Variants in BCO2 observed in about 807,000 individuals in gnomAD.
BCO2 encodes the protein beta-carotene oxygenase 2, also known as carotenoid-cleaving dioxygenase, mitochondrial.
BCO2 carries 56 observed loss-of-function variants against 65.8 expected under a neutral mutation model. That is an observed-to-expected ratio of 0.85 (90% confidence interval 0.69 to 1.06). The LOEUF is 1.06. Ranked by LOEUF, BCO2 falls within the 50% of genes least tolerant of loss-of-function variation. The pLI, the probability that BCO2 is intolerant of heterozygous loss-of-function variation, is 0.00. For missense variants in BCO2, 675 were observed against 698.5 expected (o/e 0.97, Z 0.38); for synonymous variants, 233 against 242.3 (o/e 0.96, Z 0.36).
intron 8 of BCO2, among the ~76,000 whole-genome samples, chr11:112,207,250 AT>A (rs1859372373): frequency 6.6e-6 from 1 of 152,226 alleles, no homozygotes; most frequent in Admixed American, 6.5e-5. Flanking sequence ...GTGTTGAAAA[AT>A]GTTTAATAAT....
chr11:112,206,027 G>A (rs1867856949), intron 8 of BCO2, among the ~76,000 whole-genome samples: 1 of 151,996 alleles, frequency 6.6e-6, no homozygotes, highest in Non-Finnish European at 1.5e-5. Context: ...TGCAAACTTG[G>A]GGAAGACAGA....
At chr11:112,207,257 A>T (rs1008514924) in intron 8 of BCO2, among the ~76,000 whole-genome samples, 6 of 152,222 alleles carry the variant, frequency 3.9e-5, no homozygotes, top group African/African-American at 1.4e-4. Flanking sequence ...AAAATGTTTA[A>T]TAATTCATTA....
At chr11:112,208,507 C>A (rs559925882) in intron 8 of BCO2, 98 of 156,522 alleles carry the variant, frequency 6.3e-4, no homozygotes, top group Non-Finnish European at 1.1e-3. Context: ...TGTTCCCAAT[C>A]TGAGAGGCAA....
intron 2 of BCO2, among the ~76,000 whole-genome samples, chr11:112,189,487 G>A (rs1174328415): frequency 6.7e-6 from 1 of 148,488 alleles, no homozygotes; most frequent in Admixed American, 6.8e-5. Context: ...CTCACTGCAA[G>A]CTCCACCTCC....
At chr11:112,190,925 T>C (rs1282630626) in intron 2 of BCO2, among the ~76,000 whole-genome samples, 4 of 149,746 alleles carry the variant, frequency 2.7e-5, no homozygotes, top group Non-Finnish European at 1.5e-5. Context: ...CTAAATATGA[T>C]TTTATATGCA....
intron 6 of BCO2, chr11:112,200,315 C>G (rs1867693214): frequency 4.0e-6 from 1 of 249,740 alleles, no homozygotes; most frequent in East Asian, 9.8e-5. Flanking sequence ...CACTTTAATA[C>G]TATACTTTTT....
chr11:112,185,749 T>A (rs1592839036), intron 2 of BCO2, among the ~76,000 whole-genome samples: 1 of 152,214 alleles, frequency 6.6e-6, no homozygotes, highest in African/African-American at 2.4e-5. Flanking sequence ...TATTGTTTTT[T>A]AAAAAAATAT....
intron 10 of BCO2, 37 bp downstream of exon 10, chr11:112,214,981 G>T: frequency 6.3e-7 from 1 of 1,586,898 alleles, no homozygotes; most frequent in South Asian, 1.1e-5. Context: ...ACTTTTCAGA[G>T]ACCTGTTCTT....
chr11:112,181,911 A>C (rs548885066), intron 2 of BCO2: 4 of 704,522 alleles, frequency 5.7e-6, no homozygotes, highest in African/African-American at 5.3e-5. Context: ...CCAGGGAGTC[A>C]AGATGCTCTG....
At chr11:112,178,340 A>G (rs1866940139) in intron 1 of BCO2, among the ~76,000 whole-genome samples, 1 of 152,170 alleles carries the variant, frequency 6.6e-6, no homozygotes, top group African/African-American at 2.4e-5. Context: ...AGGGGAGTAG[A>G]ATGTCTCGTG....
At chr11:112,186,456 C>G (rs1460546498) in intron 2 of BCO2, among the ~76,000 whole-genome samples, 1 of 152,184 alleles carries the variant, frequency 6.6e-6, no homozygotes. Context: ...GATAGACACT[C>G]AGTTTAGTGG....
intron 2 of BCO2, among the ~76,000 whole-genome samples, chr11:112,190,828 C>T (rs1867360471): frequency 6.8e-6 from 1 of 147,100 alleles, no homozygotes; most frequent in Non-Finnish European, 1.5e-5. Flanking sequence ...TGCACTCCAG[C>T]CTGGGGCGAC....
chr11:112,201,577 A>G (rs1048259439), intron 7 of BCO2, among the ~76,000 whole-genome samples: 4 of 152,204 alleles, frequency 2.6e-5, no homozygotes, highest in Non-Finnish European at 5.9e-5. Context: ...CTCTAAAGAG[A>G]TAGTATCTTA....
intron 9 of BCO2, among the ~76,000 whole-genome samples, chr11:112,214,392 G>A (rs1404508917): frequency 3.3e-5 from 5 of 151,912 alleles, no homozygotes; most frequent in East Asian, 1.9e-4. Flanking sequence ...CAGGTAATCC[G>A]CCCGCCTCAG....
At chr11:112,179,567 G>A (rs1592832131) in intron 2 of BCO2, 85 bp downstream of exon 2, 3 of 1,207,142 alleles carry the variant, frequency 2.5e-6, no homozygotes, top group East Asian at 4.7e-5. Context: ...CTTCCTCTGT[G>A]AGGTTAATAT....
chr11:112,216,001 G>A (rs1029825541), intron 10 of BCO2: 6 of 500,348 alleles, frequency 1.2e-5, no homozygotes, highest in Non-Finnish European at 2.2e-5. Context: ...TCACCAAGGG[G>A]ATGGTGCTAA....
chr11:112,194,065 AG>A, intron 4 of BCO2, 71 bp downstream of exon 4: 1 of 893,654 alleles, frequency 1.1e-6, no homozygotes, highest in Non-Finnish European at 1.8e-6. Flanking sequence ...TACTTTTTAG[AG>A]TAGTATATAT....
chr11:112,209,310 T>C (rs1298062915), intron 8 of BCO2, among the ~76,000 whole-genome samples: 1 of 152,232 alleles, frequency 6.6e-6, no homozygotes. Context: ...TCTGTAGTTT[T>C]GACTTTTCCA....
chr11:112,216,315 G>T lies in BCO2; in HGVS notation c.1611G>T (p.Val537=). ...EEDGGVILSV[V]ITPNQNESNF... ...ATGGTGGGGTTATTCTTTCTGTGGT[G>T]ATCACTCCCAACCAGGTAAATATAT... Residue 537 remains valine (V), a synonymous_variant, in exon 11 of 12, where the codon GTG becomes GTT. Transcript: ENST00000357685. 1 of 1,613,450 alleles carries T rather than the reference G, an allele frequency of 6.2e-7. No homozygotes were observed. Among genetic ancestry groups the T allele is most frequent in the South Asian group, 1.1e-5 (1 of 91,060 alleles).
Sources: allele counts gnomAD v4.1 joint callset (sites outside exome capture counted in the v4.1 genomes callset), GRCh38; gene constraint gnomAD v4.1.1; transcripts MANE v1.5; gene names NCBI Gene and HGNC (gene_info 2026-07-23, HGNC 2026-07-21).